The following PTPN9 variants were observed in gnomAD, a reference collection of about 807,000 sequenced individuals.
PTPN9 encodes the protein tyrosine-protein phosphatase non-receptor type 9.
PTPN9 carries 26 observed loss-of-function variants against 69.8 expected under a neutral mutation model. The observed-to-expected ratio is 0.37, with a 90% confidence interval of 0.27 to 0.52. The LOEUF is 0.52. Among genes scored for constraint, PTPN9 ranks in the 20% least tolerant of loss-of-function variants. The pLI, the probability that PTPN9 is intolerant of heterozygous loss-of-function variation, is 0.91. For synonymous variants in PTPN9, 274 were observed against 272.5 expected, an observed-to-expected ratio of 1.01 and a Z score of -0.05; for missense variants, 549 against 740.3, an observed-to-expected ratio of 0.74 and a Z score of 3.00.
chr15:75,502,234 G>A (rs974166348), intron 7 of PTPN9, among the ~76,000 whole-genome samples: 1 of 152,104 alleles, frequency 6.6e-6, no homozygotes, highest in Admixed American at 6.6e-5. Flanking sequence ...ATCACCTGAG[G>A]TCAGGAGTTC....
chr15:75,503,789 C>T (rs967479082), intron 7 of PTPN9, among the ~76,000 whole-genome samples: 3 of 115,896 alleles, frequency 2.6e-5, no homozygotes, highest in Non-Finnish European at 3.6e-5. Flanking sequence ...GTCAGCCCCC[C>T]GTCCGGGAGG....
rs186908052 is a variant in PTPN9, at chr15:75,541,626, T to C, written c.64-14365A>G. ...TTTCACCGTGTTAGCCAGGATGGTC[T>C]TGATCTCCTGACCTCCTGATCCGCC... On this transcript the variant is annotated intron_variant, in intron 1 of 12. Coordinates refer to ENST00000618819, the MANE Select transcript of PTPN9 (RefSeq NM_002833.4). 8.5e-3 allele frequency among the ~76,000 whole-genome samples: 1,288 copies of C among 151,986 alleles called. 57 individuals are homozygous for C. The East Asian group carries it at 0.11, about 13-fold the overall frequency.
chr15:75,482,549 A>T (rs1347221034), intron 8 of PTPN9, among the ~76,000 whole-genome samples: 1 of 127,974 alleles, frequency 7.8e-6, no homozygotes, highest in Admixed American at 9.3e-5. Flanking sequence ...TGGGCGACAG[A>T]GCGAGACTCC....
Position 75,578,731 on chromosome 15 carries a change from T to A in PTPN9, c.46A>T (p.Thr16Ser). 7.4e-7 allele frequency: 1 copy of A among 1,358,880 alleles called. No homozygotes were observed. The highest frequency in any genetic ancestry group is 3.1e-5 in the Admixed American group (1 of 32,498). The allele number at this position is 1,358,880 out of a possible 1,614,324, so 84.2% of individuals were successfully genotyped here. A position where few individuals can be genotyped will look rare whatever the true frequency, so the allele number is the denominator to read the frequency against. ...CCGCTTACCTGCTCCTCCTCCGGGGTCAGCTCCGGCGCCATGTCGGGCCGG... is the reference window on the plus strand; with the variant it reads ...CCGCTTACCTGCTCCTCCTCCGGGGACAGCTCCGGCGCCATGTCGGGCCGG... ...APRPDMAPEL[T>S]PEEEQATKQF... is the part of the protein sequence containing the mutation. The change falls in exon 1 of 13, where the codon ACC becomes TCC. Residue 16 changes from threonine to serine, a missense_variant. Around this residue, in one of 3 missense-constraint regions of PTPN9, gnomAD observed 62 missense variants for 53.6 expected, o/e 1.16. Coordinates refer to ENST00000618819, the MANE Select transcript of PTPN9 (RefSeq NM_002833.4).
At chr15:75,482,652 G>C (rs1367303445) in intron 8 of PTPN9, among the ~76,000 whole-genome samples, 2 of 151,120 alleles carry the variant, frequency 1.3e-5, no homozygotes, top group Non-Finnish European at 1.5e-5. Context: ...GAAGGCCGCA[G>C]GGTCCTCTGC....
intron 1 of PTPN9, among the ~76,000 whole-genome samples, chr15:75,527,683 T>C (rs1427842539): frequency 6.6e-6 from 1 of 152,028 alleles, no homozygotes; most frequent in Non-Finnish European, 1.5e-5. Context: ...TGAAACTCCA[T>C]CCATCTCTAC....
chr15:75,491,744 G>T (rs1343390526), intron 7 of PTPN9, among the ~76,000 whole-genome samples: 2 of 132,326 alleles, frequency 1.5e-5, no homozygotes, highest in Non-Finnish European at 3.2e-5. Flanking sequence ...CCATTTTGAT[G>T]AGGTCTCAGA....
intron 6 of PTPN9, among the ~76,000 whole-genome samples, chr15:75,506,660 C>T (rs1363811028): frequency 6.6e-6 from 1 of 152,082 alleles, no homozygotes; most frequent in African/African-American, 2.4e-5. Flanking sequence ...CAGATGCACA[C>T]AACCACGCCC....
chr15:75,567,821 C>T (rs1410569062), intron 1 of PTPN9, among the ~76,000 whole-genome samples: 1 of 151,558 alleles, frequency 6.6e-6, no homozygotes, highest in Non-Finnish European at 1.5e-5. Flanking sequence ...ACGGTGAAAC[C>T]CTGTCTCTAT....
intron 1 of PTPN9, among the ~76,000 whole-genome samples, chr15:75,548,985 G>C (rs1225163766): frequency 1.3e-5 from 2 of 150,792 alleles, no homozygotes; most frequent in East Asian, 2.0e-4. Context: ...TAGAAACAGG[G>C]TCTCCCTCTG....
At chr15:75,550,563 G>A (rs993150958) in intron 1 of PTPN9, among the ~76,000 whole-genome samples, 7 of 151,554 alleles carry the variant, frequency 4.6e-5, no homozygotes, top group Admixed American at 2.6e-4. Flanking sequence ...CGAGGTGGAC[G>A]GATCATTTGA....
At position 75,469,993 on chromosome 15, in the gene PTPN9, G is replaced by A. The variant is rs1019576408; in HGVS notation, c.1366C>T (p.Gln456Ter). Residue 456 changes from glutamine (Q) to a stop codon, truncating the protein, a stop_gained, in exon 12 of 13, where the codon CAG becomes TAG. Coordinates refer to ENST00000618819, the MANE Select transcript of PTPN9 (RefSeq NM_002833.4). LOFTEE classifies it high-confidence loss of function. ...TLEIHNTEERQKRQVTHFQFL... is the reference protein window; with the variant it reads ...TLEIHNTEER ...TGGAAGTGGGTCACCTGGCGTTTCT[G>A]CCGTTCCTTAGATAAGAAAAGAAGT... 1 of 1,610,946 alleles carries A rather than the reference G, an allele frequency of 6.2e-7. No individual in the cohort carries two copies. The highest frequency in any genetic ancestry group is 8.5e-7 in the Non-Finnish European group (1 of 1,177,128).
intron 10 of PTPN9, among the ~76,000 whole-genome samples, chr15:75,472,973 A>G (rs1473632778): frequency 6.6e-6 from 1 of 152,038 alleles, no homozygotes; most frequent in Non-Finnish European, 1.5e-5. Flanking sequence ...AAAAGTAGCA[A>G]CAAATGGAGA....
chr15:75,539,459 GTACCTGCC>G (rs1192517868), intron 1 of PTPN9, among the ~76,000 whole-genome samples: 1 of 150,048 alleles, frequency 6.7e-6, no homozygotes, highest in African/African-American at 2.5e-5. Flanking sequence ...GATTACAGGC[GTACCTGCC>G]TACTTTTTGT....
intron 7 of PTPN9, among the ~76,000 whole-genome samples, chr15:75,504,290 T>C (rs1392275175): frequency 8.6e-5 from 10 of 116,676 alleles, no homozygotes; most frequent in East Asian, 3.0e-4. Context: ...AGCCGCCCCG[T>C]CCGGGAGGTG....
chr15:75,568,838 T>C (rs2075137238), intron 1 of PTPN9, among the ~76,000 whole-genome samples: 1 of 152,092 alleles, frequency 6.6e-6, no homozygotes, highest in Non-Finnish European at 1.5e-5. Flanking sequence ...CCCTGTCTCT[T>C]ACTAAAAAAA....
intron 1 of PTPN9, among the ~76,000 whole-genome samples, chr15:75,563,189 T>G (rs140008326): frequency 6.6e-6 from 1 of 152,244 alleles, no homozygotes; most frequent in East Asian, 1.9e-4. Context: ...TATGGCATTT[T>G]TTTTCTCTTT....
chr15:75,495,632 G>A (rs996575668), intron 7 of PTPN9, among the ~76,000 whole-genome samples: 8 of 151,998 alleles, frequency 5.3e-5, no homozygotes, highest in Admixed American at 2.0e-4. Flanking sequence ...TATGAGAATC[G>A]CTTGAACCCA....
chr15:75,528,128 C>T (rs762555388), intron 1 of PTPN9, among the ~76,000 whole-genome samples: 3 of 152,106 alleles, frequency 2.0e-5, no homozygotes, highest in Non-Finnish European at 2.9e-5. Context: ...ATATGGCAAC[C>T]CCAAAACTGG....
Sources: allele counts gnomAD v4.1 joint callset (sites outside exome capture counted in the v4.1 genomes callset), GRCh38; gene constraint gnomAD v4.1.1; regional missense constraint gnomAD v4.1.1; transcripts MANE v1.5; gene names NCBI Gene and HGNC (gene_info 2026-07-23, HGNC 2026-07-21).